The following GLIS3 variants were observed in gnomAD, a reference collection of about 807,000 sequenced individuals.
The protein encoded by GLIS3 is zinc finger protein GLIS3.
GLIS3 carries 53 observed loss-of-function variants against 78.6 expected under a neutral mutation model. That is an observed-to-expected ratio of 0.67 (90% CI 0.54 to 0.85). The LOEUF (loss-of-function observed/expected upper bound fraction) is 0.85. Ranked by LOEUF, GLIS3 falls within the 40% of genes least tolerant of loss-of-function variation. The pLI is 0.00. For missense variants in GLIS3, 1,703 were observed against 1,231.1 expected, an observed-to-expected ratio of 1.38 and a Z score of -5.74; for synonymous variants, 684 against 509.9, an observed-to-expected ratio of 1.34 and a Z score of -4.60.
the GLIS3 span, among the ~76,000 whole-genome samples, chr9:4,401,129 C>T: frequency 1.3e-5 from 2 of 152,214 alleles, no homozygotes; most frequent in Non-Finnish European, 2.9e-5. Flanking sequence ...TAAGTCCAGA[C>T]CTAGGCTCTT....
chr9:4,268,800 G>T (rs753021411), intron 2 of GLIS3, among the ~76,000 whole-genome samples: 1 of 152,056 alleles, frequency 6.6e-6, no homozygotes, highest in Admixed American at 6.6e-5. Context: ...TACCAGCTGG[G>T]CAGCATCTCC....
intron 4 of GLIS3, among the ~76,000 whole-genome samples, chr9:3,971,006 AGAAG>A (rs1818335052): frequency 6.6e-6 from 1 of 151,660 alleles, no homozygotes; most frequent in Non-Finnish European, 1.5e-5. Flanking sequence ...AGGGACGGAG[AGAAG>A]GAAGGAAGGG....
At chr9:4,143,135 A>C (rs1394068290) in intron 2 of GLIS3, among the ~76,000 whole-genome samples, 1 of 152,124 alleles carries the variant, frequency 6.6e-6, no homozygotes, top group African/African-American at 2.4e-5. Flanking sequence ...AAGATGTATA[A>C]TGTGATGATT....
At chr9:4,368,148 C>G in the GLIS3 span, among the ~76,000 whole-genome samples, 5 of 152,144 alleles carry the variant, frequency 3.3e-5, no homozygotes, top group Admixed American at 6.5e-5. Flanking sequence ...TCACTTATAT[C>G]AGCTTTTAAG....
chr9:4,290,455 C>T (rs920005563), intron 1 of GLIS3, among the ~76,000 whole-genome samples: 2 of 152,024 alleles, frequency 1.3e-5, no homozygotes, highest in Non-Finnish European at 1.5e-5. Context: ...TTTTCAACAT[C>T]GCTGCCTTGT....
intron 2 of GLIS3, among the ~76,000 whole-genome samples, chr9:4,231,932 C>G (rs1192418685): frequency 6.6e-6 from 1 of 152,208 alleles, no homozygotes; most frequent in Non-Finnish European, 1.5e-5. Flanking sequence ...TAAAGCCCCA[C>G]CCTCTGATCC....
Position 4,286,209 on chromosome 9 carries a change from T to G in GLIS3, c.217A>C (p.Asn73His), listed in dbSNP as rs1480101905. ...PSGGGMAPQN[N>H]VAESRIHLPA... Reference sequence around the variant, plus strand: ...AGATGGATGCGGCTCTCAGCCACGTTGTTCTGAGGAGCCATCCCTCCTCCT... The same window carrying G: ...AGATGGATGCGGCTCTCAGCCACGTGGTTCTGAGGAGCCATCCCTCCTCCT... The change falls in exon 2 of 11, where the codon AAC becomes CAC. Residue 73 changes from asparagine (N) to histidine (H), a missense_variant. Physicochemically the swap from Asn to His is moderately conservative, Grantham distance 68 (BLOSUM62 1). Transcript: ENST00000381971. The G allele has an allele frequency of 1.9e-6, 3 of 1,614,110 alleles. No homozygotes were observed. The South Asian group carries it at 3.3e-5, about 18-fold the overall frequency.
In GLIS3 at chr9:4,187,172, G is replaced by A. The variant is rs145471410; in HGVS notation, c.389-61231C>T. ...TAATCCATCTTGAATTAATTTTTGT[G>A]TAAGGTGTAAGGAAGGGATCCAGTT... On this transcript the variant is annotated intron_variant, in intron 2 of 10. Transcript: ENST00000381971. 4.0e-3 allele frequency among the ~76,000 whole-genome samples: 612 copies of A among 152,202 alleles called. 5 individuals carry two copies. The highest frequency in any genetic ancestry group is 0.013 in the African/African-American group (524 of 41,528).
At chr9:4,455,661 G>C in the GLIS3 span, among the ~76,000 whole-genome samples, 1 of 152,116 alleles carries the variant, frequency 6.6e-6, no homozygotes, top group Non-Finnish European at 1.5e-5. Context: ...TCTTCATGAA[G>C]TGATCAATAA....
chr9:4,021,694 T>C (rs1457501221), intron 4 of GLIS3, among the ~76,000 whole-genome samples: 1 of 152,172 alleles, frequency 6.6e-6, no homozygotes, highest in Non-Finnish European at 1.5e-5. Flanking sequence ...CTGGGATACC[T>C]TGGGGCTTAG....
At chr9:4,084,148 C>T (rs142689789) in intron 4 of GLIS3, among the ~76,000 whole-genome samples, 1 of 151,978 alleles carries the variant, frequency 6.6e-6, no homozygotes, top group Non-Finnish European at 1.5e-5. Context: ...AAAAAGACAG[C>T]AAGAACTCCT....
intron 4 of GLIS3, among the ~76,000 whole-genome samples, chr9:3,962,650 G>A (rs1401021435): frequency 6.6e-6 from 1 of 152,074 alleles, no homozygotes; most frequent in African/African-American, 2.4e-5. Context: ...CTTTTTGTTT[G>A]AGAAGAGATT....
At chr9:3,940,383 G>A (rs1379643853) in intron 4 of GLIS3, among the ~76,000 whole-genome samples, 1 of 152,086 alleles carries the variant, frequency 6.6e-6, no homozygotes, top group Non-Finnish European at 1.5e-5. Flanking sequence ...CCTTGGGTTT[G>A]GCCAGATGCT....
chr9:4,178,749 G>A (rs960443425), intron 2 of GLIS3, among the ~76,000 whole-genome samples: 2 of 152,160 alleles, frequency 1.3e-5, no homozygotes, highest in Non-Finnish European at 2.9e-5. Flanking sequence ...TTGATCAGAA[G>A]TCTTTCACTG....
chr9:4,020,297 GTTTT>G (rs538108920), intron 4 of GLIS3, among the ~76,000 whole-genome samples: 1 of 151,778 alleles, frequency 6.6e-6, no homozygotes, highest in African/African-American at 2.4e-5. Flanking sequence ...TGTTTGTTTT[GTTTT>G]TTTTGTTTTG....
chr9:4,243,403 C>A (rs1823510064), intron 2 of GLIS3, among the ~76,000 whole-genome samples: 1 of 152,044 alleles, frequency 6.6e-6, no homozygotes. Flanking sequence ...TACACGCACA[C>A]ACACACACAC....
At chr9:3,829,764 A>G (rs936975753) in intron 9 of GLIS3, among the ~76,000 whole-genome samples, 4 of 152,022 alleles carry the variant, frequency 2.6e-5, no homozygotes, top group African/African-American at 9.7e-5. Flanking sequence ...CCTTCCCTAG[A>G]CTCTCTGAAG....
At chr9:4,192,292 G>A (rs1292139591) in intron 2 of GLIS3, among the ~76,000 whole-genome samples, 1 of 152,048 alleles carries the variant, frequency 6.6e-6, no homozygotes, top group Non-Finnish European at 1.5e-5. Flanking sequence ...GATGAAATGT[G>A]GGCTTAAAAT....
chr9:4,397,785 G>A, the GLIS3 span, among the ~76,000 whole-genome samples: 3 of 151,268 alleles, frequency 2.0e-5, no homozygotes, highest in East Asian at 5.8e-4. Flanking sequence ...GGAGGGGAGG[G>A]GAGGGGAGAG....
Sources: allele counts gnomAD v4.1 joint callset (sites outside exome capture counted in the v4.1 genomes callset), GRCh38; gene constraint gnomAD v4.1.1; transcripts MANE v1.5; gene names NCBI Gene and HGNC (gene_info 2026-07-23, HGNC 2026-07-21).